LPP: variants seen among roughly 807,000 people sequenced by gnomAD.
The protein encoded by LPP is LIM domain containing preferred translocation partner in lipoma, also known as lipoma-preferred partner.
Under a neutral mutation model 60.4 loss-of-function variants are expected in LPP, and 38 were observed. The ratio of observed to expected loss-of-function variants is 0.63; its 90% confidence interval spans 0.49 to 0.83. LPP has a LOEUF of 0.83. Among genes scored for constraint, LPP ranks in the 40% least tolerant of loss-of-function variants. The pLI is 0.00. For synonymous variants in LPP, 328 were observed against 290.8 expected (o/e 1.13, Z -1.30); for missense variants, 902 against 783.6 (o/e 1.15, Z -1.80).
At chr3:188,864,946 A>C (rs1166750614) in intron 9 of LPP, among the ~76,000 whole-genome samples, 2 of 152,230 alleles carry the variant, frequency 1.3e-5, no homozygotes, top group Admixed American at 1.3e-4. Flanking sequence ...GGTCATTGCT[A>C]TAGGTTAGAC....
chr3:188,566,770 C>T (rs949843347), intron 6 of LPP, among the ~76,000 whole-genome samples: 1 of 151,744 alleles, frequency 6.6e-6, no homozygotes, highest in African/African-American at 2.4e-5. Flanking sequence ...TTTAATTAGT[C>T]AGCAACACTT....
At chr3:188,451,018 A>G (rs935933206) in intron 4 of LPP, among the ~76,000 whole-genome samples, 1 of 151,996 alleles carries the variant, frequency 6.6e-6, no homozygotes, top group Non-Finnish European at 1.5e-5. Flanking sequence ...GCATTTTAAT[A>G]TTGAGTTTCA....
chr3:188,291,660 A>AT (rs1746016198), intron 2 of LPP, among the ~76,000 whole-genome samples: 1 of 151,432 alleles, frequency 6.6e-6, no homozygotes, highest in African/African-American at 2.4e-5. Flanking sequence ...AAAAAAAAAA[A>AT]AAAAGAGAAA....
chr3:188,847,995 C>T (rs1272683466), intron 9 of LPP, among the ~76,000 whole-genome samples: 1 of 152,184 alleles, frequency 6.6e-6, no homozygotes, highest in East Asian at 1.9e-4. Context: ...CCCTCTCAGG[C>T]ACTTGTGGGA....
At chr3:188,280,625 A>T (rs1741628557) in intron 2 of LPP, among the ~76,000 whole-genome samples, 1 of 151,580 alleles carries the variant, frequency 6.6e-6, no homozygotes, top group South Asian at 2.1e-4. Context: ...TTTCATTGTG[A>T]TTCCAGTTGT....
intron 4 of LPP, among the ~76,000 whole-genome samples, chr3:188,473,472 C>T (rs1294657840): frequency 6.6e-6 from 1 of 152,134 alleles, no homozygotes; most frequent in Non-Finnish European, 1.5e-5. Flanking sequence ...TTAACCAGCG[C>T]TATACGCCAG....
intron 7 of LPP, among the ~76,000 whole-genome samples, chr3:188,697,214 A>G (rs561534448): frequency 2.0e-5 from 3 of 152,336 alleles, no homozygotes; most frequent in African/African-American, 7.2e-5. Context: ...CTTTCTTTGC[A>G]TCCTAAGTGT....
At chr3:188,607,786 A>C (rs1842814665) in intron 6 of LPP, among the ~76,000 whole-genome samples, 1 of 152,186 alleles carries the variant, frequency 6.6e-6, no homozygotes, top group Non-Finnish European at 1.5e-5. Context: ...TTGAAAATAA[A>C]AATGCAGGTA....
At chr3:188,855,009 A>G (rs35300952) in intron 9 of LPP, among the ~76,000 whole-genome samples, 15,312 of 152,182 alleles carry the variant, frequency 0.1, 1,031 homozygotes, top group Middle Eastern at 0.16. Context: ...ATTACTCTGT[A>G]TACACATAGC....
At chr3:188,724,144 C>CTATAA (rs1256187284) in intron 8 of LPP, among the ~76,000 whole-genome samples, 1 of 152,116 alleles carries the variant, frequency 6.6e-6, no homozygotes, top group Non-Finnish European at 1.5e-5. Flanking sequence ...TATATCTGGA[C>CTATAA]TATAACTCTA....
intron 4 of LPP, among the ~76,000 whole-genome samples, chr3:188,408,586 C>T (rs78359841): frequency 0.055 from 8,374 of 152,198 alleles, 335 homozygotes; most frequent in African/African-American, 0.12. Context: ...CAGAATTAAT[C>T]GCTCCCTTTC....
chr3:188,203,673 A>T (rs1021018717), intron 1 of LPP, among the ~76,000 whole-genome samples: 8 of 143,404 alleles, frequency 5.6e-5, no homozygotes, highest in African/African-American at 1.0e-4. Context: ...TAGAGAGAAG[A>T]TCTCGCTATG....
At chr3:188,517,064 A>G (rs73890554) in intron 5 of LPP, among the ~76,000 whole-genome samples, 2,460 of 152,292 alleles carry the variant, frequency 0.016, 67 homozygotes, top group African/African-American at 0.055. Context: ...TTTTGAGACT[A>G]TTGTCAAAGT....
chr3:188,805,878 A>T (rs1748977513), intron 9 of LPP, among the ~76,000 whole-genome samples: 1 of 151,386 alleles, frequency 6.6e-6, no homozygotes, highest in Non-Finnish European at 1.5e-5. Flanking sequence ...AAATATTTGG[A>T]TATTTTTTCT....
chr3:188,577,753 G>GTTCCTTCCTTCC (rs1234083202), intron 6 of LPP, among the ~76,000 whole-genome samples: 1 of 98,024 alleles, frequency 1.0e-5, no homozygotes, highest in Admixed American at 1.3e-4. Flanking sequence ...TTGTTCCTTC[G>GTTCCTTCCTTCC]TTCCTTCGTT....
intron 8 of LPP, chr3:188,725,253 A>G (rs2149946102): frequency 6.6e-6 from 1 of 152,402 alleles, no homozygotes; most frequent in Non-Finnish European, 1.5e-5. Context: ...CTCTCTGGTC[A>G]CAGGTGGTAT....
chr3:188,378,744 C>T (rs1375252990), intron 3 of LPP, among the ~76,000 whole-genome samples: 1 of 152,204 alleles, frequency 6.6e-6, no homozygotes, highest in Non-Finnish European at 1.5e-5. Context: ...TGGCACTCCC[C>T]AGTGAGATGA....
chr3:188,745,571 A>G (rs1180402561), intron 8 of LPP, among the ~76,000 whole-genome samples: 5 of 152,168 alleles, frequency 3.3e-5, no homozygotes, highest in South Asian at 2.1e-4. Context: ...AACAACCTCA[A>G]TGAGTCTTCT....
At chr3:188,798,285 G>A (rs1398683160) in intron 9 of LPP, among the ~76,000 whole-genome samples, 2 of 152,098 alleles carry the variant, frequency 1.3e-5, no homozygotes, top group East Asian at 3.8e-4. Flanking sequence ...GATATAAGGG[G>A]ATCTCAGACT....
Sources: allele counts gnomAD v4.1 joint callset (sites outside exome capture counted in the v4.1 genomes callset), GRCh38; gene constraint gnomAD v4.1.1; transcripts MANE v1.5; gene names NCBI Gene and HGNC (gene_info 2026-07-23, HGNC 2026-07-21).